ANKS1B: variants seen among roughly 807,000 people sequenced by gnomAD.
ANKS1B encodes ankyrin repeat and sterile alpha motif domain containing 1B, also known as ankyrin repeat and sterile alpha motif domain-containing protein 1B.
In ANKS1B, 36 loss-of-function variants were observed where a neutral mutation model predicts 148.3. The ratio of observed to expected loss-of-function variants is 0.24; its 90% CI spans 0.19 to 0.32. The LOEUF (loss-of-function observed/expected upper bound fraction) is 0.32, where lower values mean the gene tolerates loss of function less well. Among genes scored for constraint, ANKS1B ranks in the 10% least tolerant of loss-of-function variants. The pLI is 1.00. For missense variants in ANKS1B, 1,157 were observed against 1,542.6 expected (o/e 0.75, Z 4.19); for synonymous variants, 542 against 560.8 (o/e 0.97, Z 0.47).
At chr12:99,289,630 T>G (rs1180653428) in intron 12 of ANKS1B, among the ~76,000 whole-genome samples, 1 of 152,042 alleles carries the variant, frequency 6.6e-6, no homozygotes, top group East Asian at 1.9e-4. Context: ...TTAGAAACTA[T>G]ACAAACACAT....
intron 17 of ANKS1B, among the ~76,000 whole-genome samples, chr12:98,855,083 C>T (rs1381480562): frequency 1.3e-5 from 2 of 149,772 alleles, no homozygotes; most frequent in Admixed American, 1.3e-4. Context: ...GGCGTGAACC[C>T]GGGAAGCGGA....
chr12:98,809,585 G>A (rs944406011), intron 19 of ANKS1B, among the ~76,000 whole-genome samples: 6 of 152,158 alleles, frequency 3.9e-5, no homozygotes, highest in Admixed American at 2.0e-4. Flanking sequence ...ACAGGTGAGT[G>A]GCACAATGTG....
chr12:99,701,514 TTCA>T (rs1160379336), intron 8 of ANKS1B, among the ~76,000 whole-genome samples: 4 of 152,148 alleles, frequency 2.6e-5, no homozygotes, highest in African/African-American at 9.7e-5. Context: ...ACTTCAAACA[TTCA>T]TCATTTCTTT....
intron 10 of ANKS1B, among the ~76,000 whole-genome samples, chr12:99,458,676 T>C (rs1478403052): frequency 6.6e-6 from 1 of 151,926 alleles, no homozygotes; most frequent in Non-Finnish European, 1.5e-5. Context: ...ATGGATAAAT[T>C]CCTGGAAATA....
At chr12:99,141,853 C>T (rs1647740383) in intron 15 of ANKS1B, among the ~76,000 whole-genome samples, 1 of 152,014 alleles carries the variant, frequency 6.6e-6, no homozygotes, top group Admixed American at 6.6e-5. Flanking sequence ...GGTTGATTCT[C>T]ATTTGATCTC....
intron 17 of ANKS1B, among the ~76,000 whole-genome samples, chr12:98,913,878 G>A (rs111450826): frequency 3.3e-5 from 5 of 152,084 alleles, no homozygotes; most frequent in African/African-American, 4.8e-5. Flanking sequence ...TGATTTGCCC[G>A]CCTTGGCCTC....
At chr12:99,749,417 A>G (rs1249497674) in intron 8 of ANKS1B, among the ~76,000 whole-genome samples, 1 of 152,064 alleles carries the variant, frequency 6.6e-6, no homozygotes, top group Non-Finnish European at 1.5e-5. Flanking sequence ...CAGCTGACCA[A>G]TGGGGAAAGG....
intron 8 of ANKS1B, among the ~76,000 whole-genome samples, chr12:99,662,698 C>T (rs2153455578): frequency 6.6e-6 from 1 of 152,210 alleles, no homozygotes; most frequent in Non-Finnish European, 1.5e-5. Flanking sequence ...TGAAAGAATA[C>T]ATTTATGACA....
chr12:99,682,660 A>G (rs531836305), intron 8 of ANKS1B, among the ~76,000 whole-genome samples: 61 of 152,198 alleles, frequency 4.0e-4, no homozygotes, highest in Non-Finnish European at 7.6e-4. Flanking sequence ...AGTCTGAAAG[A>G]GCACATATAG....
In ANKS1B at chr12:98,964,368, C is replaced by A. The variant is rs184503815; in HGVS notation, c.2778+88789G>T. ...TTGGTGGGAATGTAAGTTGGTACAA[C>A]CACTATGGAGAACAGTTTGGAGGTT... On this transcript the variant is annotated intron_variant, in intron 17 of 26. Transcript: ENST00000683438. Among the ~76,000 whole-genome samples the A allele has an allele frequency of 3.3e-5, 5 of 152,262 alleles. No homozygotes were observed. In the East Asian group the frequency reaches 9.7e-4, roughly 29 times the overall value.
At chr12:99,214,504 CT>C (rs1255294704) in intron 14 of ANKS1B, among the ~76,000 whole-genome samples, 3 of 152,272 alleles carry the variant, frequency 2.0e-5, no homozygotes, top group Admixed American at 2.0e-4. Flanking sequence ...GGCAGTTCCC[CT>C]GCACATGCTT....
At chr12:99,414,986 G>A (rs1172818420) in intron 11 of ANKS1B, among the ~76,000 whole-genome samples, 1 of 152,188 alleles carries the variant, frequency 6.6e-6, no homozygotes, top group Non-Finnish European at 1.5e-5. Context: ...TTCATACAAT[G>A]TATTCAAATC....
chr12:99,395,279 T>C (rs1413357957), intron 12 of ANKS1B, among the ~76,000 whole-genome samples: 1 of 152,182 alleles, frequency 6.6e-6, no homozygotes, highest in African/African-American at 2.4e-5. Context: ...ACTTTTCTTC[T>C]GAAAGAACTG....
intron 24 of ANKS1B, among the ~76,000 whole-genome samples, chr12:98,776,740 T>C (rs983374767): frequency 6.6e-6 from 1 of 152,208 alleles, no homozygotes; most frequent in Non-Finnish European, 1.5e-5. Context: ...TTTTCCTGAG[T>C]GAGGAGACTG....
At chr12:98,777,756 A>G (rs2098694332) in intron 24 of ANKS1B, among the ~76,000 whole-genome samples, 2 of 152,250 alleles carry the variant, frequency 1.3e-5, no homozygotes, top group Non-Finnish European at 2.9e-5. Flanking sequence ...GTTTATAACT[A>G]GGCCTCTAAC....
intron 12 of ANKS1B, among the ~76,000 whole-genome samples, chr12:99,323,952 G>T (rs1326201171): frequency 1.3e-5 from 2 of 151,846 alleles, no homozygotes; most frequent in African/African-American, 4.8e-5. Context: ...GTTTTTTGAG[G>T]GCGATGTACT....
At chr12:99,635,351 C>G (rs2098222632) in intron 9 of ANKS1B, among the ~76,000 whole-genome samples, 1 of 152,076 alleles carries the variant, frequency 6.6e-6, no homozygotes, top group African/African-American at 2.4e-5. Context: ...TGGAGGCAAC[C>G]TAAGTGTTCA....
At chr12:99,159,975 A>T (rs1335973362) in intron 14 of ANKS1B, among the ~76,000 whole-genome samples, 2 of 152,208 alleles carry the variant, frequency 1.3e-5, no homozygotes, top group African/African-American at 4.8e-5. Flanking sequence ...TCCGATGATC[A>T]GTGACGTTAA....
intron 9 of ANKS1B, among the ~76,000 whole-genome samples, chr12:99,616,841 G>A (rs142524526): frequency 1.6e-3 from 239 of 152,074 alleles, no homozygotes; most frequent in Non-Finnish European, 2.5e-3. Flanking sequence ...AGCTATCATC[G>A]GAGTGAACAG....
Sources: gnomAD v4.1 joint callset for allele counts (sites outside exome capture counted in the v4.1 genomes callset) on GRCh38, gnomAD v4.1.1 for gene constraint, MANE v1.5 for transcripts, NCBI Gene and HGNC (gene_info 2026-07-23, HGNC 2026-07-21) for gene names.